CCDC32: variants seen among roughly 807,000 people sequenced by gnomAD.
CCDC32 encodes coiled-coil domain-containing protein 32.
Under a neutral mutation model 20.1 loss-of-function variants are expected in CCDC32, and 9 were observed. That is an observed-to-expected ratio of 0.45 (90% CI 0.27 to 0.78). The LOEUF is 0.78. Among genes scored for constraint, CCDC32 ranks in the 30% least tolerant of loss-of-function variants. The probability of loss-of-function intolerance (pLI) is 0.16; values close to 1 mark genes in which losing one functional copy is unlikely to be tolerated. For synonymous variants in CCDC32, 63 were observed against 79.0 expected, an observed-to-expected ratio of 0.80 and a Z score of 1.07; for missense variants, 204 against 215.5, an observed-to-expected ratio of 0.95 and a Z score of 0.33.
downstream of CCDC32, among the ~76,000 whole-genome samples, chr15:40,523,995 A>C (rs1349787785): frequency 6.6e-6 from 1 of 152,244 alleles, no homozygotes; most frequent in South Asian, 2.1e-4. Flanking sequence ...ATGAATGTTC[A>C]TAGCTGTTTT....
chr15:40,554,054 T>A lies in CCDC32; in HGVS notation c.475A>T (p.Ile159Phe), dbSNP rs1433869278. Residue 159 changes from isoleucine (I) to phenylalanine (F), a missense_variant, in exon 4 of 4, where the codon ATT becomes TTT. By Grantham distance (21) the Ile-to-Phe change is conservative. Coordinates refer to ENST00000416810, the MANE Select transcript of CCDC32 (RefSeq NM_001080792.4). ...AVSTEEVQYL[I>F]PPESQVEKPV... ...TTCTCAACCTGTGACTCTGGAGGAATCAGATACTGGACCTCCTCTGTGCTG... is the reference window on the plus strand; with the variant it reads ...TTCTCAACCTGTGACTCTGGAGGAAACAGATACTGGACCTCCTCTGTGCTG... 5.0e-6 allele frequency: 8 copies of A among 1,613,808 alleles called. No individual in the cohort carries two copies. Among genetic ancestry groups the A allele is most frequent in the Admixed American group, 1.7e-5 (1 of 59,956 alleles).
chr15:40,561,711 T>A (rs1023771573), intron 2 of CCDC32, among the ~76,000 whole-genome samples: 6 of 150,756 alleles, frequency 4.0e-5, no homozygotes, highest in African/African-American at 1.5e-4. Context: ...ATAAAAAAAT[T>A]AGGGCCAAGC....
At chr15:40,548,164 A>T (rs1889698818), downstream of CCDC32, among the ~76,000 whole-genome samples, 1 of 152,066 alleles carries the variant, frequency 6.6e-6, no homozygotes, top group African/African-American at 2.4e-5. Flanking sequence ...TGGCTTTCTG[A>T]TGGGCTCAAG....
chr15:40,555,152 C>G (rs1890152515), intron 3 of CCDC32, among the ~76,000 whole-genome samples: 1 of 152,146 alleles, frequency 6.6e-6, no homozygotes, highest in Non-Finnish European at 1.5e-5. Context: ...AAGAAACATT[C>G]CCACAGATGT....
downstream of CCDC32, chr15:40,537,238 G>C (rs1473438281): frequency 6.6e-6 from 1 of 152,400 alleles, no homozygotes; most frequent in Non-Finnish European, 1.5e-5. Flanking sequence ...TCCCTGGGGA[G>C]TGGTGCCAGC....
intron 3 of CCDC32, among the ~76,000 whole-genome samples, chr15:40,541,577 C>A (rs1434305173): frequency 1.3e-5 from 2 of 152,172 alleles, no homozygotes; most frequent in African/African-American, 4.8e-5. Context: ...GGTGATCCAC[C>A]CGCCTCAGCC....
chr15:40,564,746 A>G, intron 1 of CCDC32: 1 of 1,614,158 alleles, frequency 6.2e-7, no homozygotes, highest in Non-Finnish European at 8.5e-7. Flanking sequence ...AAAGCCACCC[A>G]AAACCAAAAC....
chr15:40,534,792 G>T (rs773171476), downstream of CCDC32: 20 of 666,560 alleles, frequency 3.0e-5, no homozygotes, highest in Non-Finnish European at 5.5e-5. Flanking sequence ...CCTCCCCAAA[G>T]TTCCATCTCC....
downstream of CCDC32, among the ~76,000 whole-genome samples, chr15:40,524,143 A>G (rs1448023274): frequency 6.8e-6 from 1 of 147,824 alleles, no homozygotes; most frequent in African/African-American, 2.5e-5. Context: ...CAACATGCAT[A>G]ATCTTTTTTT....
At chr15:40,541,110 A>G (rs1310545847) in intron 3 of CCDC32, among the ~76,000 whole-genome samples, 2 of 152,114 alleles carry the variant, frequency 1.3e-5, no homozygotes, top group East Asian at 1.9e-4. Context: ...CCTCCAGCCC[A>G]TTTCTGTGAC....
At chr15:40,542,531 T>A (rs1376320430) in intron 3 of CCDC32, among the ~76,000 whole-genome samples, 2 of 152,146 alleles carry the variant, frequency 1.3e-5, no homozygotes, top group African/African-American at 4.8e-5. Context: ...TAATGACTGA[T>A]GTTTGACTCC....
At chr15:40,549,952 C>A (rs532836190), downstream of CCDC32, among the ~76,000 whole-genome samples, 2 of 152,334 alleles carry the variant, frequency 1.3e-5, no homozygotes, top group South Asian at 4.1e-4. Flanking sequence ...GTGGGCAGGT[C>A]TGCTTGGAAG....
rs950837734 is a variant in CCDC32 at position 40,553,215 on chromosome 15, A to G, written c.*756T>C. The G allele has an allele frequency of 1.0e-6, 1 of 985,492 alleles. No homozygotes were observed. Among genetic ancestry groups the G allele is most frequent in the Non-Finnish European group, 1.2e-6 (1 of 829,950 alleles). 61.0% of individuals were successfully genotyped at this position (985,492 alleles called of 1,614,324 possible). Reference sequence around the variant, plus strand: ...ACAAGGAAGATGTTTGGAACTATCCAGGAGTAGTGTCAAACACTAACACCA... The same window carrying G: ...ACAAGGAAGATGTTTGGAACTATCCGGGAGTAGTGTCAAACACTAACACCA... On this transcript the variant is annotated 3_prime_UTR_variant, in exon 4 of 4. Transcript: ENST00000416810.
chr15:40,564,041 C>T (rs1258648565), intron 1 of CCDC32, among the ~76,000 whole-genome samples: 1 of 152,000 alleles, frequency 6.6e-6, no homozygotes, highest in Non-Finnish European at 1.5e-5. Flanking sequence ...AGGGTGGTCT[C>T]GATCTCCTGA....
At chr15:40,557,770 G>GT (rs1290618231) in intron 2 of CCDC32, 4 of 153,736 alleles carry the variant, frequency 2.6e-5, no homozygotes, top group Admixed American at 2.6e-4. Context: ...GGAGTAAGTG[G>GT]TTTTTTCTTT....
At chr15:40,547,259 G>T (rs568855307) in intron 3 of CCDC32, among the ~76,000 whole-genome samples, 1 of 152,260 alleles carries the variant, frequency 6.6e-6, no homozygotes, top group South Asian at 2.1e-4. Flanking sequence ...CTTCCTCAGT[G>T]CTGCTGTCCC....
chr15:40,531,046 C>T (rs1888859301), downstream of CCDC32, among the ~76,000 whole-genome samples: 1 of 151,584 alleles, frequency 6.6e-6, no homozygotes, highest in African/African-American at 2.4e-5. Flanking sequence ...TGGACTGATA[C>T]AGATGACATG....
chr15:40,528,711 C>T, exon 4 of CCDC32: 1 of 700,170 alleles, frequency 1.4e-6, no homozygotes, highest in South Asian at 1.5e-5. Flanking sequence ...AGGCCTTGTC[C>T]ACAAGCGAAT....
intron 3 of CCDC32, among the ~76,000 whole-genome samples, chr15:40,541,521 A>G (rs940850258): frequency 6.6e-6 from 1 of 152,038 alleles, no homozygotes; most frequent in Admixed American, 6.6e-5. Flanking sequence ...TAGTAGAGAC[A>G]TGGTTTTGCC....
Sources: allele counts gnomAD v4.1 joint callset (sites outside exome capture counted in the v4.1 genomes callset), GRCh38; gene constraint gnomAD v4.1.1; transcripts MANE v1.5; gene names NCBI Gene and HGNC (gene_info 2026-07-23, HGNC 2026-07-21).